Variants in IQCJ observed in about 807,000 individuals in gnomAD.
The protein encoded by IQCJ is IQ motif containing J.
In IQCJ, 9 loss-of-function variants were observed where a neutral mutation model predicts 11.0. The ratio of observed to expected loss-of-function variants is 0.82; its 90% CI spans 0.49 to 1.43. IQCJ has a LOEUF of 1.43. Among genes scored for constraint, IQCJ ranks in the 40% most tolerant of loss-of-function variants. The probability of loss-of-function intolerance (pLI) is 0.00; values close to 1 mark genes in which losing one functional copy is unlikely to be tolerated. For missense variants in IQCJ, 146 were observed against 133.2 expected (o/e 1.10, Z -0.47); for synonymous variants, 55 against 51.3 (o/e 1.07, Z -0.31).
intron 1 of IQCJ, among the ~76,000 whole-genome samples, chr3:159,196,723 C>T (rs1355577024): frequency 6.6e-6 from 1 of 152,162 alleles, no homozygotes; most frequent in East Asian, 1.9e-4. Context: ...CCCTATGAAG[C>T]AGACACATTA....
At chr3:159,173,436 AC>A (rs1250966360) in intron 1 of IQCJ, among the ~76,000 whole-genome samples, 3 of 152,208 alleles carry the variant, frequency 2.0e-5, no homozygotes, top group Non-Finnish European at 2.9e-5. Flanking sequence ...TTATAAACAA[AC>A]TTTACCAATT....
intron 1 of IQCJ, among the ~76,000 whole-genome samples, chr3:159,071,847 G>C (rs566289651): frequency 5.9e-5 from 9 of 152,012 alleles, no homozygotes; most frequent in Non-Finnish European, 1.3e-4. Context: ...TACCTAAAAT[G>C]ATTGTAAAAC....
chr3:159,200,030 C>CTATATATATA (rs368929112), intron 1 of IQCJ, among the ~76,000 whole-genome samples: 3,212 of 119,140 alleles, frequency 0.027, 193 homozygotes, highest in African/African-American at 0.1. Context: ...GAGTAAACGA[C>CTATATATATA]TATATATATA....
intron 1 of IQCJ, among the ~76,000 whole-genome samples, chr3:159,078,260 C>T (rs890650880): frequency 1.3e-5 from 2 of 150,688 alleles, no homozygotes; most frequent in South Asian, 2.1e-4. Flanking sequence ...TTTCTAAAAC[C>T]CCTCACTCGG....
At chr3:159,150,873 C>T (rs1355207179) in intron 1 of IQCJ, among the ~76,000 whole-genome samples, 5 of 152,134 alleles carry the variant, frequency 3.3e-5, no homozygotes, top group Admixed American at 6.5e-5. Context: ...TGGTTCAGAG[C>T]GTCATATCCA....
chr3:159,127,748 A>G (rs2108154209), intron 1 of IQCJ, among the ~76,000 whole-genome samples: 1 of 152,328 alleles, frequency 6.6e-6, no homozygotes, highest in African/African-American at 2.4e-5. Flanking sequence ...ATTATTATCA[A>G]AACTTCGAAG....
chr3:159,240,632 C>G (rs924350788), intron 1 of IQCJ, among the ~76,000 whole-genome samples: 2 of 152,124 alleles, frequency 1.3e-5, no homozygotes, highest in African/African-American at 4.8e-5. Flanking sequence ...GATCTCAATC[C>G]CTACCTCACC....
At chr3:159,096,117 G>A (rs1717725582) in intron 1 of IQCJ, among the ~76,000 whole-genome samples, 1 of 98,526 alleles carries the variant, frequency 1.0e-5, no homozygotes, top group Non-Finnish European at 2.0e-5. Context: ...GATGGCCAGT[G>A]ATGATGAGCA....
At chr3:159,145,384 T>C (rs1042161210) in intron 1 of IQCJ, among the ~76,000 whole-genome samples, 4 of 152,242 alleles carry the variant, frequency 2.6e-5, no homozygotes, top group South Asian at 4.1e-4. Flanking sequence ...TCATCCATAG[T>C]GATCACAAAC....
At chr3:159,163,135 G>A (rs528354416) in intron 1 of IQCJ, among the ~76,000 whole-genome samples, 2 of 152,180 alleles carry the variant, frequency 1.3e-5, no homozygotes, top group African/African-American at 4.8e-5. Context: ...GAGAATTTGA[G>A]ACCAATATCC....
At chr3:159,137,517 A>G (rs1370989758) in intron 1 of IQCJ, among the ~76,000 whole-genome samples, 1 of 152,202 alleles carries the variant, frequency 6.6e-6, no homozygotes, top group African/African-American at 2.4e-5. Flanking sequence ...CAGATTCATC[A>G]TAAGACAATG....
intron 1 of IQCJ, among the ~76,000 whole-genome samples, chr3:159,081,016 C>T (rs983190976): frequency 6.6e-6 from 1 of 152,056 alleles, no homozygotes; most frequent in Non-Finnish European, 1.5e-5. Context: ...ACTGGCCAGA[C>T]AATAAAGAGT....
chr3:159,173,221 C>G (rs1722593591), intron 1 of IQCJ, among the ~76,000 whole-genome samples: 1 of 152,192 alleles, frequency 6.6e-6, no homozygotes. Context: ...TAATACCACA[C>G]TTGGTCTTTA....
intron 1 of IQCJ, among the ~76,000 whole-genome samples, chr3:159,142,416 G>A (rs547724147): frequency 1.0e-3 from 83 of 79,706 alleles, no homozygotes; most frequent in African/African-American, 4.3e-3. Context: ...CTGAGGGGCA[G>A]GTCTTTTCCC....
At chr3:159,076,337 C>T in intron 1 of IQCJ, among the ~76,000 whole-genome samples, 1 of 152,064 alleles carries the variant, frequency 6.6e-6, no homozygotes, top group African/African-American at 2.4e-5. Context: ...CTATATGCTA[C>T]TCTATGACCA....
intron 1 of IQCJ, among the ~76,000 whole-genome samples, chr3:159,193,232 A>G (rs1229482091): frequency 6.6e-6 from 1 of 152,224 alleles, no homozygotes; most frequent in Non-Finnish European, 1.5e-5. Context: ...AGAGTTGTGA[A>G]GATGAGACAC....
At chr3:159,256,917 CT>C (rs945053660) in intron 3 of IQCJ, among the ~76,000 whole-genome samples, 2 of 152,022 alleles carry the variant, frequency 1.3e-5, no homozygotes, top group Admixed American at 6.6e-5. Flanking sequence ...ATACATTATC[CT>C]TGACTTCTTG....
At chr3:159,141,575 A>G (rs998482645) in intron 1 of IQCJ, among the ~76,000 whole-genome samples, 2 of 152,234 alleles carry the variant, frequency 1.3e-5, no homozygotes, top group Non-Finnish European at 2.9e-5. Flanking sequence ...CATGTTTGTG[A>G]TAAGTTTCTG....
intron 2 of IQCJ, among the ~76,000 whole-genome samples, chr3:159,251,366 C>T (rs1727588483): frequency 6.6e-6 from 1 of 151,872 alleles, no homozygotes; most frequent in African/African-American, 2.4e-5. Flanking sequence ...TCCTTGCTCA[C>T]TCCCACCACA....
Sources: allele counts gnomAD v4.1 joint callset (sites outside exome capture counted in the v4.1 genomes callset), GRCh38; gene constraint gnomAD v4.1.1; transcripts MANE v1.5; gene names NCBI Gene and HGNC (gene_info 2026-07-23, HGNC 2026-07-21).